The following VAV2 variants were observed in gnomAD, a reference collection of about 807,000 sequenced individuals.
VAV2 encodes guanine nucleotide exchange factor VAV2.
VAV2 carries 67 observed loss-of-function variants against 132.5 expected under a neutral mutation model. The observed-to-expected ratio is 0.51, with a 90% confidence interval of 0.42 to 0.62. VAV2 has a LOEUF of 0.62. VAV2 is among the 20% of genes least tolerant of loss of function. The pLI, the probability that VAV2 is intolerant of heterozygous loss-of-function variation, is 0.00. For synonymous variants in VAV2, 492 were observed against 443.5 expected (o/e 1.11, Z -1.37); for missense variants, 938 against 1,153.6 (o/e 0.81, Z 2.71).
At chr9:133,845,231 G>C (rs1836886078) in intron 3 of VAV2, among the ~76,000 whole-genome samples, 1 of 152,264 alleles carries the variant, frequency 6.6e-6, no homozygotes, top group Admixed American at 6.5e-5. Context: ...TGGACGCGCT[G>C]GGCCAGGCCG....
intron 26 of VAV2, among the ~76,000 whole-genome samples, chr9:133,771,721 C>G (rs570207947): frequency 6.6e-6 from 1 of 152,306 alleles, no homozygotes; most frequent in East Asian, 1.9e-4. Flanking sequence ...TACCCCACCC[C>G]TGCACTGTTT....
chr9:133,945,511 G>A (rs943127580), intron 1 of VAV2, among the ~76,000 whole-genome samples: 4 of 152,262 alleles, frequency 2.6e-5, no homozygotes, highest in African/African-American at 7.2e-5. Context: ...CCAGAAGGCA[G>A]GTGACCCGCG....
intron 3 of VAV2, among the ~76,000 whole-genome samples, chr9:133,849,003 TCA>T (rs1481334322): frequency 6.6e-6 from 1 of 152,250 alleles, no homozygotes; most frequent in East Asian, 1.9e-4. Context: ...TCTTTTCTTC[TCA>T]GTCTCTGAAA....
rs549461485 is a variant in VAV2 at position 133,829,745 on chromosome 9, CCA to C, written c.449+4525_449+4526del. ...CTCGAACTTCTGGCCTCAAGCAATC[CCA>C]AAGTGAAGTGCTGGGATTACAGGTG... On this transcript the variant is annotated intron_variant, in intron 4 of 29. Coordinates refer to ENST00000371850, the MANE Select transcript of VAV2 (RefSeq NM_001134398.2). 4.5e-3 allele frequency among the ~76,000 whole-genome samples: 683 copies of C among 152,182 alleles called. 6 individuals are homozygous for C. The highest frequency in any genetic ancestry group is 0.016 in the African/African-American group (657 of 41,516).
At chr9:133,979,667 G>T (rs1842632760) in intron 1 of VAV2, among the ~76,000 whole-genome samples, 1 of 152,208 alleles carries the variant, frequency 6.6e-6, no homozygotes, top group Admixed American at 6.5e-5. Flanking sequence ...ATGTCCCAGA[G>T]CCCCACCACT....
At chr9:133,793,296 C>T (rs1228030459) in intron 12 of VAV2, among the ~76,000 whole-genome samples, 1 of 151,912 alleles carries the variant, frequency 6.6e-6, no homozygotes, top group Admixed American at 6.6e-5. Context: ...GGTGGAATTC[C>T]CCAAAATGCA....
rs115710573 is a variant in VAV2 at position 133,823,897 on chromosome 9, G to T, written c.449+10375C>A. Among the ~76,000 whole-genome samples the T allele has an allele frequency of 3.8e-3, 583 of 152,304 alleles. 7 individuals carry two copies. Among genetic ancestry groups the T allele is most frequent in the African/African-American group, 0.014 (565 of 41,560 alleles). ...CACGGGAATGCGGAGCGGGCAGGGT[G>T]GTCACGCGCACCTGCTCTGCGTGCG... On this transcript the variant is annotated intron_variant, in intron 4 of 29. Transcript: ENST00000371850. This position sits in a 1 kb window ranked among gnomAD's most constrained non-coding sequence, Gnocchi z 5.5.
Position 133,919,351 on chromosome 9 carries a change from T to A in VAV2, c.321+19752A>T, listed in dbSNP as rs1840213816. On this transcript the variant is annotated intron_variant, in intron 2 of 29. Transcript: ENST00000371850. This position sits in a 1 kb window ranked among gnomAD's most constrained non-coding sequence, Gnocchi z 5.8. ...AGAGGCTCAGAAAGGCTGGAGACTC[T>A]TAGGGCCCCACCGGGCTTTGAAACC... Among the ~76,000 whole-genome samples, 1 of 152,174 alleles carries A rather than the reference T, an allele frequency of 6.6e-6. No individual in the cohort carries two copies. Among genetic ancestry groups the A allele is most frequent in the Non-Finnish European group, 1.5e-5 (1 of 68,014 alleles).
chr9:133,979,607 G>A (rs570799985), intron 1 of VAV2, among the ~76,000 whole-genome samples: 7 of 152,308 alleles, frequency 4.6e-5, no homozygotes, highest in East Asian at 1.9e-4. Flanking sequence ...CACGGCCGCC[G>A]GCAGGACAGG....
In VAV2 at chr9:133,788,909, T is replaced by C. The variant is rs908892601; in HGVS notation, c.1274+349A>G. ...GGCCCTGGACAAGCCTGGGCCACCGTGCGCCTGGACACTCTCCGGCAGTCA... is the reference window on the plus strand; with the variant it reads ...GGCCCTGGACAAGCCTGGGCCACCGCGCGCCTGGACACTCTCCGGCAGTCA... On this transcript the variant is annotated intron_variant, in intron 14 of 29. Coordinates refer to ENST00000371850, the MANE Select transcript of VAV2 (RefSeq NM_001134398.2). The surrounding 1 kb of genome is among the most constrained non-coding windows in gnomAD (Gnocchi z 5.3). 6.6e-6 allele frequency among the ~76,000 whole-genome samples: 1 copy of C among 152,152 alleles called. No individual in the cohort carries two copies. Among genetic ancestry groups the C allele is most frequent in the African/African-American group, 2.4e-5 (1 of 41,442 alleles).
Position 133,770,419 on chromosome 9 carries a change from G to C in VAV2, c.2306C>G (p.Ser769Cys). The C allele has an allele frequency of 6.2e-7, 1 of 1,614,160 alleles. No individual in the cohort carries two copies. Among genetic ancestry groups the C allele is most frequent in the South Asian group, 1.1e-5 (1 of 91,084 alleles). Residue 769 changes from serine to cysteine, a missense_variant, in exon 27 of 30, where the codon TCC (serine) becomes TGC (cysteine). Transcript: ENST00000371850. The part of the protein sequence containing the change: ...LDTTLKYPYK[S>C]RERSASRASS... ...GGCCCTGGAGGCCGAACGTTCCCGGGACTTGTAGGGGTACTTGAGTGTGGT... is the reference window on the plus strand; with the variant it reads ...GGCCCTGGAGGCCGAACGTTCCCGGCACTTGTAGGGGTACTTGAGTGTGGT...
chr9:133,942,741 G>A (rs1235061165), intron 1 of VAV2, among the ~76,000 whole-genome samples: 1 of 152,206 alleles, frequency 6.6e-6, no homozygotes, highest in African/African-American at 2.4e-5. Context: ...CCCAGCAACT[G>A]CTGTGCCTGG....
intron 2 of VAV2, among the ~76,000 whole-genome samples, chr9:133,888,560 G>A (rs1200291143): frequency 6.6e-6 from 1 of 152,212 alleles, no homozygotes; most frequent in African/African-American, 2.4e-5. Flanking sequence ...GTGTCCAGGA[G>A]CCACGTCACT....
chr9:133,796,626 T>C, intron 10 of VAV2, 102 bp from the exon 11 acceptor site: 1 of 1,070,550 alleles, frequency 9.3e-7, no homozygotes, highest in Non-Finnish European at 1.3e-6. Flanking sequence ...AGCCCAGAAC[T>C]CAGGCCCAGA....
At chr9:133,942,060 G>A (rs1020796616) in intron 1 of VAV2, among the ~76,000 whole-genome samples, 2 of 152,240 alleles carry the variant, frequency 1.3e-5, no homozygotes, top group Non-Finnish European at 2.9e-5. Context: ...TGGTGATGGT[G>A]CTTGCCAACA....
rs1156270673 is a variant in VAV2 at position 133,884,465 on chromosome 9, G to A, written c.322-23033C>T. Among the ~76,000 whole-genome samples the A allele has an allele frequency of 6.6e-6, 1 of 152,102 alleles. No homozygotes were observed. Among genetic ancestry groups the A allele is most frequent in the Non-Finnish European group, 1.5e-5 (1 of 68,018 alleles). On this transcript the variant is annotated intron_variant, in intron 2 of 29. Transcript: ENST00000371850. This position sits in a 1 kb window ranked among gnomAD's most constrained non-coding sequence, Gnocchi z 5.3. The stretch of plus-strand genomic sequence containing the variant: ...ACTTTGTCAATTAATTAGGGAGGGG[G>A]GTGCCAGCCTGGGGGGCGTGGTGGG...
intron 9 of VAV2, among the ~76,000 whole-genome samples, 184 bp from the exon 10 acceptor site, chr9:133,797,993 C>T (rs543915352): frequency 2.6e-5 from 4 of 152,334 alleles, no homozygotes; most frequent in Admixed American, 1.3e-4. Context: ...CCGAAGCTAC[C>T]GGGCCGCAGG....
At chr9:133,947,713 C>A (rs1487763160) in intron 1 of VAV2, among the ~76,000 whole-genome samples, 4 of 142,090 alleles carry the variant, frequency 2.8e-5, no homozygotes, top group East Asian at 2.2e-4. Flanking sequence ...AAAAAAAAAA[C>A]AAACTGGTCT....
intron 4 of VAV2, among the ~76,000 whole-genome samples, chr9:133,813,884 G>C (rs932941843): frequency 2.6e-5 from 4 of 152,304 alleles, no homozygotes; most frequent in Non-Finnish European, 5.9e-5. Context: ...TATTCTCTTG[G>C]GCCTCACAGA....
Sources: allele counts gnomAD v4.1 joint callset (sites outside exome capture counted in the v4.1 genomes callset), GRCh38; gene constraint gnomAD v4.1.1; non-coding constraint Gnocchi (gnomAD v3.1); transcripts MANE v1.5; gene names NCBI Gene and HGNC (gene_info 2026-07-23, HGNC 2026-07-21).